Variants in RYR2 observed in about 807,000 individuals in gnomAD.
The protein encoded by RYR2 is ryanodine receptor 2, also known as cardiac muscle ryanodine receptor-calcium release channel.
In RYR2, 227 loss-of-function variants were observed where a neutral mutation model predicts 601.1. The observed-to-expected ratio is 0.38, with a 90% CI of 0.34 to 0.42. The LOEUF (loss-of-function observed/expected upper bound fraction) is 0.42. Ranked by LOEUF, RYR2 falls within the 10% of genes least tolerant of loss-of-function variation. The probability of loss-of-function intolerance (pLI) is 1.00; values close to 1 mark genes in which losing one functional copy is unlikely to be tolerated. For synonymous variants in RYR2, 2,223 were observed against 2,175.1 expected, an observed-to-expected ratio of 1.02 and a Z score of -0.61; for missense variants, 4,646 against 6,156.5, an observed-to-expected ratio of 0.75 and a Z score of 8.21.
intron 1 of RYR2, among the ~76,000 whole-genome samples, chr1:237,128,543 G>A (rs999734871): frequency 7.9e-5 from 12 of 152,188 alleles, no homozygotes; most frequent in Non-Finnish European, 1.8e-4. Context: ...GAGAGAGGTG[G>A]CAGTGCAGAT....
At chr1:237,457,345 C>T (rs886759602) in intron 16 of RYR2, among the ~76,000 whole-genome samples, 15 of 152,152 alleles carry the variant, frequency 9.9e-5, no homozygotes, top group Non-Finnish European at 2.1e-4. Context: ...CCCTGCATTC[C>T]TGTGGGCTCT....
intron 25 of RYR2, among the ~76,000 whole-genome samples, chr1:237,542,872 T>C (rs1558998309): frequency 6.6e-6 from 1 of 152,166 alleles, no homozygotes; most frequent in African/African-American, 2.4e-5. Context: ...GGAAGCAAGA[T>C]AGAAGCTCAC....
intron 29 of RYR2, among the ~76,000 whole-genome samples, chr1:237,580,623 C>T (rs1214624889): frequency 3.9e-5 from 6 of 152,132 alleles, no homozygotes; most frequent in Admixed American, 2.6e-4. Context: ...GCAGATACAG[C>T]GTTCTGAATA....
At chr1:237,754,225 T>TA (rs1012762153) in intron 80 of RYR2, among the ~76,000 whole-genome samples, 9 of 151,670 alleles carry the variant, frequency 5.9e-5, no homozygotes, top group Non-Finnish European at 8.8e-5. Context: ...GATGCGATGT[T>TA]AAAAAAAATG....
chr1:237,706,901 C>G (rs1340030932), intron 67 of RYR2, 48 bp from the exon 68 acceptor site: 1 of 1,487,198 alleles, frequency 6.7e-7, no homozygotes, highest in Non-Finnish European at 9.3e-7. Context: ...GCCATATCAT[C>G]TCAGTACTTT....
chr1:237,268,953 A>AAACAAC (rs1383226026), intron 1 of RYR2, among the ~76,000 whole-genome samples: 5 of 149,438 alleles, frequency 3.3e-5, no homozygotes, highest in South Asian at 4.2e-4. Context: ...AAAAAAAAAA[A>AAACAAC]AAAAAAAAGG....
At chr1:237,687,366 C>CTTTTTTTTTTTTT (rs10679267) in intron 62 of RYR2, 89 bp from the exon 63 acceptor site, 34 of 259,134 alleles carry the variant, frequency 1.3e-4, no homozygotes, top group South Asian at 3.7e-4. Context: ...TTTTCTTCTT[C>CTTTTTTTTTTTTT]TTTTTTTTTT....
At chr1:237,119,331 C>T (rs947216145) in intron 1 of RYR2, among the ~76,000 whole-genome samples, 2 of 152,190 alleles carry the variant, frequency 1.3e-5, no homozygotes, top group African/African-American at 4.8e-5. Flanking sequence ...TGAGACAAGA[C>T]GTTCCTATTA....
At chr1:237,296,832 T>C (rs976132148) in intron 2 of RYR2, among the ~76,000 whole-genome samples, 1 of 152,226 alleles carries the variant, frequency 6.6e-6, no homozygotes, top group African/African-American at 2.4e-5. Flanking sequence ...AGACACTTTT[T>C]TGAGTCTTCT....
At chr1:237,145,477 C>T (rs567673169) in intron 1 of RYR2, among the ~76,000 whole-genome samples, 16 of 152,216 alleles carry the variant, frequency 1.1e-4, no homozygotes, top group South Asian at 2.1e-4. Flanking sequence ...TATCTCCTGG[C>T]GCCATATGCA....
rs377541487 is a variant in RYR2 at position 237,449,134 on chromosome 1, A to G, written c.1292+3612A>G. Among the ~76,000 whole-genome samples the G allele has an allele frequency of 2.0e-5, 3 of 152,302 alleles. No individual in the cohort carries two copies. In the East Asian group the frequency reaches 5.8e-4, roughly 29 times the overall value. Reference sequence around the variant, plus strand: ...TGGGTTACAAAAAATAAACCACCTAAGAACACTTTGTCATTGTCCCATTTC... The same window carrying G: ...TGGGTTACAAAAAATAAACCACCTAGGAACACTTTGTCATTGTCCCATTTC... On this transcript the variant is annotated intron_variant, in intron 14 of 104. Coordinates refer to ENST00000366574, the MANE Select transcript of RYR2 (RefSeq NM_001035.3).
At chr1:237,493,154 A>G in intron 19 of RYR2, 67 bp downstream of exon 19, 1 of 1,558,976 alleles carries the variant, frequency 6.4e-7, no homozygotes. Context: ...CTTGCCCTGT[A>G]GCTGATACTA....
intron 1 of RYR2, among the ~76,000 whole-genome samples, chr1:237,266,966 A>G (rs1689132393): frequency 6.6e-6 from 1 of 152,226 alleles, no homozygotes; most frequent in Admixed American, 6.5e-5. Flanking sequence ...CATGCACTCC[A>G]TCATACAATG....
chr1:237,743,698 C>T, intron 80 of RYR2: 1 of 481,354 alleles, frequency 2.1e-6, no homozygotes, highest in Non-Finnish European at 4.2e-6. Flanking sequence ...TTGTTAGACC[C>T]AACATCTTGG....
chr1:237,664,447 C>T (rs942549839), intron 56 of RYR2, among the ~76,000 whole-genome samples: 1 of 152,172 alleles, frequency 6.6e-6, no homozygotes, highest in Non-Finnish European at 1.5e-5. Flanking sequence ...AATGGACTCA[C>T]AGTTCCACGT....
chr1:237,290,735 A>C (rs1229561358), intron 2 of RYR2, among the ~76,000 whole-genome samples: 2 of 152,228 alleles, frequency 1.3e-5, no homozygotes, highest in African/African-American at 4.8e-5. Flanking sequence ...TTCAACATGT[A>C]AATATAAGTG....
intron 1 of RYR2, among the ~76,000 whole-genome samples, chr1:237,142,757 G>T (rs1362284825): frequency 6.6e-6 from 1 of 152,172 alleles, no homozygotes; most frequent in African/African-American, 2.4e-5. Context: ...ACACTTCACT[G>T]CCCATTAACA....
chr1:237,209,001 A>G (rs1360998944), intron 1 of RYR2, among the ~76,000 whole-genome samples: 2 of 128,930 alleles, frequency 1.6e-5, no homozygotes, highest in Non-Finnish European at 3.2e-5. Flanking sequence ...CTGTAATTGA[A>G]CTATGATTCA....
rs373385410 is a variant in RYR2 at position 237,179,664 on chromosome 1, T to G, written c.49-90833T>G. 8.5e-5 allele frequency among the ~76,000 whole-genome samples: 13 copies of G among 152,242 alleles called. No individual in the cohort carries two copies. In the East Asian group the frequency reaches 1.5e-3, roughly 18 times the overall value. On this transcript the variant is annotated intron_variant, in intron 1 of 104. Transcript: ENST00000366574. ...ACATACCGTCTCTCTGTATCCAGAA[T>G]GTACATTCTTACCACCCATATACCA...
Sources: gnomAD v4.1 joint callset for allele counts (sites outside exome capture counted in the v4.1 genomes callset) on GRCh38, gnomAD v4.1.1 for gene constraint, MANE v1.5 for transcripts, NCBI Gene and HGNC (gene_info 2026-07-23, HGNC 2026-07-21) for gene names.